CTNNA3: variants seen among roughly 807,000 people sequenced by gnomAD.
CTNNA3 encodes the protein catenin alpha-3.
A neutral mutation model predicts 95.7 loss-of-function variants in CTNNA3; 76 were observed. The observed-to-expected ratio is 0.79, with a 90% CI of 0.66 to 0.96. CTNNA3 has a LOEUF of 0.96. Among genes scored for constraint, CTNNA3 ranks in the 40% least tolerant of loss-of-function variants. The pLI, the probability that CTNNA3 is intolerant of heterozygous loss-of-function variation, is 0.00. For synonymous variants in CTNNA3, 431 were observed against 374.4 expected (o/e 1.15, Z -1.74); for missense variants, 1,191 against 1,089.8 (o/e 1.09, Z -1.31).
rs559208242 is a variant in CTNNA3, at chr10:67,185,408, G to A, written c.844-4888C>T. Among the ~76,000 whole-genome samples, 5 of 152,212 alleles carry A rather than the reference G, an allele frequency of 3.3e-5. No individual in the cohort carries two copies. The South Asian group carries it at 8.3e-4, about 25-fold the overall frequency. On this transcript the variant is annotated intron_variant, in intron 6 of 17. Coordinates refer to ENST00000433211, the MANE Select transcript of CTNNA3 (RefSeq NM_013266.4). ...CCCAAAGTGCTGGGATTACAGGTGTGAGCCATCACGGCCGGCCTTTTTTTC... is the reference window on the plus strand; with the variant it reads ...CCCAAAGTGCTGGGATTACAGGTGTAAGCCATCACGGCCGGCCTTTTTTTC...
chr10:66,790,914 TACATCAAA>T (rs921932871), intron 7 of CTNNA3, among the ~76,000 whole-genome samples: 1 of 152,136 alleles, frequency 6.6e-6, no homozygotes, highest in Non-Finnish European at 1.5e-5. Flanking sequence ...CCTCCAATTG[TACATCAAA>T]ACCTCTTATT....
At chr10:67,419,302 C>T in intron 5 of CTNNA3, among the ~76,000 whole-genome samples, 1 of 151,850 alleles carries the variant, frequency 6.6e-6, no homozygotes, top group East Asian at 1.9e-4. Flanking sequence ...ATGCATTATC[C>T]TTGTCTTAAA....
intron 7 of CTNNA3, among the ~76,000 whole-genome samples, chr10:67,077,619 C>T (rs1856806218): frequency 6.6e-6 from 1 of 152,278 alleles, no homozygotes; most frequent in African/African-American, 2.4e-5. Context: ...TTCTATGATG[C>T]AACTCCCTGA....
chr10:66,828,340 A>G (rs778729576), intron 7 of CTNNA3, among the ~76,000 whole-genome samples: 44 of 152,186 alleles, frequency 2.9e-4, no homozygotes, highest in Non-Finnish European at 4.9e-4. Flanking sequence ...TTTCTGTGAA[A>G]TCTTTCCTAA....
chr10:66,274,234 G>T (rs1332493389), intron 13 of CTNNA3, among the ~76,000 whole-genome samples: 1 of 113,234 alleles, frequency 8.8e-6, no homozygotes. Flanking sequence ...GTTTCAATAT[G>T]ATTTATGGAC....
chr10:66,088,485 T>TTGTGTGTGTG lies in CTNNA3; in HGVS notation c.1977+14662_1977+14671dup, dbSNP rs3074377. 4.9e-3 allele frequency among the ~76,000 whole-genome samples: 679 copies of TTGTGTGTGTG among 139,642 alleles called. 3 individuals are homozygous for TTGTGTGTGTG. The highest frequency in any genetic ancestry group is 0.018 in the Middle Eastern group (5 of 280). 91.6% of individuals were successfully genotyped at this position (139,642 alleles called of 152,430 possible). The stretch of plus-strand genomic sequence containing the variant: ...ATATTTATGTAGATAGGTAGGTGTT[T>TTGTGTGTGTG]TGTGTGTGTGTGTGTGTGTGTGTGT... On this transcript the variant is annotated intron_variant, in intron 14 of 17. Coordinates refer to ENST00000433211, the MANE Select transcript of CTNNA3 (RefSeq NM_013266.4).
chr10:67,375,593 ACT>A (rs1843657530), intron 5 of CTNNA3, among the ~76,000 whole-genome samples: 1 of 151,296 alleles, frequency 6.6e-6, no homozygotes, highest in Non-Finnish European at 1.5e-5. Flanking sequence ...ATAGAGCAAG[ACT>A]CTGTCTCAAA....
At chr10:66,242,661 C>T (rs573268263) in intron 13 of CTNNA3, among the ~76,000 whole-genome samples, 1 of 152,088 alleles carries the variant, frequency 6.6e-6, no homozygotes, top group Non-Finnish European at 1.5e-5. Flanking sequence ...CCAGTCAGAA[C>T]CCTTATGTAT....
At chr10:66,404,114 A>T (rs1475882443) in intron 11 of CTNNA3, among the ~76,000 whole-genome samples, 1 of 152,002 alleles carries the variant, frequency 6.6e-6, no homozygotes, top group Non-Finnish European at 1.5e-5. Flanking sequence ...ACTAACCCCA[A>T]CTGGACTCAT....
intron 15 of CTNNA3, among the ~76,000 whole-genome samples, chr10:66,036,851 T>C (rs1398163643): frequency 1.3e-5 from 2 of 150,424 alleles, no homozygotes; most frequent in Admixed American, 6.7e-5. Flanking sequence ...AAAATTTATA[T>C]AGTAGTTCCA....
At chr10:66,423,221 T>G (rs1167769193) in intron 11 of CTNNA3, among the ~76,000 whole-genome samples, 1 of 152,156 alleles carries the variant, frequency 6.6e-6, no homozygotes, top group Non-Finnish European at 1.5e-5. Flanking sequence ...TTGTTTTTCA[T>G]GATTTCCCAT....
chr10:65,925,822 C>T (rs2077161179), intron 17 of CTNNA3, among the ~76,000 whole-genome samples: 1 of 152,090 alleles, frequency 6.6e-6, no homozygotes. Context: ...TATCTTAAAA[C>T]ATAGCCAGAC....
At chr10:67,067,971 C>G (rs1007652515) in intron 7 of CTNNA3, among the ~76,000 whole-genome samples, 1 of 152,094 alleles carries the variant, frequency 6.6e-6, no homozygotes, top group Non-Finnish European at 1.5e-5. Context: ...ACAGGGAAAC[C>G]CACATTTAAA....
In CTNNA3 at chr10:66,558,528, T is replaced by C. The variant is rs189411930; in HGVS notation, c.1375-37755A>G. 1.8e-3 allele frequency among the ~76,000 whole-genome samples: 277 copies of C among 152,238 alleles called. 2 individuals are homozygous for C. Among genetic ancestry groups the C allele is most frequent in the African/African-American group, 6.3e-3 (262 of 41,554 alleles). ...AGTAGTACTTTTGTCTTATAATAAC[T>C]AGGTATCACATATTGCATAAATTCC... On this transcript the variant is annotated intron_variant, in intron 10 of 17. Transcript: ENST00000433211.
intron 15 of CTNNA3, among the ~76,000 whole-genome samples, chr10:66,060,251 G>C (rs1042771328): frequency 2.6e-5 from 4 of 151,692 alleles, no homozygotes; most frequent in Admixed American, 6.6e-5. Flanking sequence ...TTACCTAAGA[G>C]GGAGAGCAAA....
intron 7 of CTNNA3, among the ~76,000 whole-genome samples, chr10:66,824,519 A>G (rs1156616992): frequency 6.6e-6 from 1 of 152,194 alleles, no homozygotes; most frequent in East Asian, 1.9e-4. Flanking sequence ...TAGGTAAGGA[A>G]ATAGGTACCT....
rs1589594525 is a variant in CTNNA3 at position 67,008,648 on chromosome 10, T to C, written c.1047+171669A>G. 1.3e-5 allele frequency among the ~76,000 whole-genome samples: 2 copies of C among 152,306 alleles called. 1 individual carries two copies. Among genetic ancestry groups the C allele is most frequent in the Non-Finnish European group, 2.9e-5 (2 of 68,018 alleles). ...GGTCTAGGATAGCCCCATTCATTTG[T>C]CTGGCTCTTACAAGCTTGTTGGATT... On this transcript the variant is annotated intron_variant, in intron 7 of 17. Transcript: ENST00000433211.
rs150431484 is a variant in CTNNA3 at position 67,036,330 on chromosome 10, C to A, written c.1047+143987G>T. 2.7e-3 allele frequency among the ~76,000 whole-genome samples: 402 copies of A among 151,170 alleles called. 4 individuals are homozygous for A. Among genetic ancestry groups the A allele is most frequent in the African/African-American group, 9.4e-3 (386 of 41,156 alleles). On this transcript the variant is annotated intron_variant, in intron 7 of 17. Transcript: ENST00000433211. ...TGTTGCCCAGGCTGGAGTGCAGTGG[C>A]GCGATCTCGGCTCACTGCAATCTCT...
At chr10:67,453,324 A>G (rs575913422) in intron 5 of CTNNA3, among the ~76,000 whole-genome samples, 9 of 152,344 alleles carry the variant, frequency 5.9e-5, no homozygotes, top group Admixed American at 5.2e-4. Context: ...TGGGTTATAT[A>G]AAGAATTCTA....
Sources: allele counts gnomAD v4.1 joint callset (sites outside exome capture counted in the v4.1 genomes callset), GRCh38; gene constraint gnomAD v4.1.1; transcripts MANE v1.5; gene names NCBI Gene and HGNC (gene_info 2026-07-23, HGNC 2026-07-21).